The following USF3 variants were observed in gnomAD, a reference collection of about 807,000 sequenced individuals.
USF3 encodes upstream transcription factor family member 3.
In USF3, 29 loss-of-function variants were observed where a neutral mutation model predicts 157.5. That is an observed-to-expected ratio of 0.18 (90% confidence interval 0.14 to 0.25). The LOEUF is 0.25. Among genes scored for constraint, USF3 ranks in the 10% least tolerant of loss-of-function variants. The pLI is 1.00. For missense variants in USF3, 2,381 were observed against 2,667.6 expected (o/e 0.89, Z 2.37); for synonymous variants, 893 against 941.4 (o/e 0.95, Z 0.94).
intron 5 of USF3, among the ~76,000 whole-genome samples, chr3:113,668,415 C>T (rs932178279): frequency 6.6e-6 from 1 of 151,128 alleles, no homozygotes; most frequent in Non-Finnish European, 1.5e-5. Flanking sequence ...AGGCAGGAGA[C>T]TGATGGGTTC....
At chr3:113,689,034 A>C (rs6804275) in intron 1 of USF3, among the ~76,000 whole-genome samples, 67 of 150,160 alleles carry the variant, frequency 4.5e-4, no homozygotes, top group African/African-American at 6.6e-4. Flanking sequence ...CCATCTCAAA[A>C]AAACAAACAA....
chr3:113,665,835 A>G (rs1947556888), intron 5 of USF3, among the ~76,000 whole-genome samples: 1 of 152,074 alleles, frequency 6.6e-6, no homozygotes, highest in South Asian at 2.1e-4. Context: ...CTCAAAAGAA[A>G]AAACAAACAA....
chr3:113,677,193 A>C (rs927660439), intron 2 of USF3, 89 bp downstream of exon 2: 2 of 152,204 alleles, frequency 1.3e-5, no homozygotes, highest in Non-Finnish European at 2.9e-5. Flanking sequence ...TCAGCCTAAA[A>C]GCAATGAGCT....
rs1947298936 is a variant in USF3, at chr3:113,653,462, G to A, written c.*1482C>T. 6.6e-6 allele frequency: 1 copy of A among 152,306 alleles called. No homozygotes were observed. Among genetic ancestry groups the A allele is most frequent in the African/African-American group, 2.4e-5 (1 of 41,350 alleles). The allele number at this position is 152,306 out of a possible 1,614,324, so 9.4% of individuals were successfully genotyped here. On this transcript the variant is annotated 3_prime_UTR_variant, in exon 7 of 7. Coordinates refer to ENST00000316407, the MANE Select transcript of USF3 (RefSeq NM_001009899.4). ...ACTAAAAGTACCAAAAATTAGCCAG[G>A]TGTGGTGGCACGTGCCTGTAGTCCC...
chr3:113,693,732 A>G (rs950345187), intron 1 of USF3, among the ~76,000 whole-genome samples: 93 of 152,260 alleles, frequency 6.1e-4, no homozygotes, highest in Non-Finnish European at 7.3e-5. Context: ...TTAACCATGT[A>G]GCATAGAAGT....
chr3:113,664,877 A>G (rs938306673), intron 5 of USF3, among the ~76,000 whole-genome samples: 1 of 152,194 alleles, frequency 6.6e-6, no homozygotes, highest in Non-Finnish European at 1.5e-5. Flanking sequence ...GTGCCCTATA[A>G]GAAGAGACAG....
chr3:113,672,840 A>T (rs925270565), intron 4 of USF3, among the ~76,000 whole-genome samples: 5 of 152,230 alleles, frequency 3.3e-5, no homozygotes, highest in Non-Finnish European at 1.5e-5. Flanking sequence ...ATAGATGTTT[A>T]TCTGGCTTTG....
At chr3:113,685,041 T>A (rs1266859810) in intron 1 of USF3, among the ~76,000 whole-genome samples, 2 of 152,232 alleles carry the variant, frequency 1.3e-5, no homozygotes, top group Admixed American at 1.3e-4. Context: ...TAATCTTAAG[T>A]CTTTGGTCAC....
chr3:113,694,434 T>C (rs574198138), intron 1 of USF3, among the ~76,000 whole-genome samples: 3 of 152,360 alleles, frequency 2.0e-5, no homozygotes, highest in Admixed American at 6.5e-5. Flanking sequence ...CATAGACGAC[T>C]AACCTAGAAG....
At chr3:113,678,585 TA>T (rs980270100) in intron 1 of USF3, among the ~76,000 whole-genome samples, 7 of 150,646 alleles carry the variant, frequency 4.6e-5, no homozygotes, top group Admixed American at 6.6e-5. Flanking sequence ...TTCCTGATGC[TA>T]AAAAAAAAGA....
chr3:113,669,244 C>T (rs756732760), intron 5 of USF3, among the ~76,000 whole-genome samples: 9 of 151,108 alleles, frequency 6.0e-5, no homozygotes, highest in Non-Finnish European at 1.0e-4. Context: ...AACAACGAGT[C>T]AATAGATAAT....
At chr3:113,695,903 G>C in intron 1 of USF3, among the ~76,000 whole-genome samples, 1 of 152,198 alleles carries the variant, frequency 6.6e-6, no homozygotes, top group East Asian at 1.9e-4. Flanking sequence ...AGGGGTGAGA[G>C]GGAAAAAGCA....
intron 4 of USF3, 128 bp downstream of exon 4, chr3:113,673,220 G>A: frequency 3.0e-6 from 2 of 666,080 alleles, no homozygotes; most frequent in South Asian, 3.5e-5. Flanking sequence ...AAACAATAAG[G>A]GAACATTTTC....
Position 113,659,278 on chromosome 3 carries a change from T to C in USF3, c.2404A>G (p.Arg802Gly). ...GACTTGTTTGCTGCTAAGTGTTTCC[T>C]GCCACCTGGCTTCTTATTCAACCTT... The part of the protein sequence containing the change: ...SKRLNKKPGG[R>G]KHLAANKSAC... The change falls in exon 7 of 7, where the codon AGG becomes GGG. Residue 802 changes from arginine (R) to glycine (G), a missense_variant. Arg to Gly is a moderately radical substitution (Grantham distance 125, BLOSUM62 -2). This residue lies in a region of USF3 where 1,435 missense variants were observed against 1,550.9 expected (regional missense o/e 0.93). Transcript: ENST00000316407. 6.2e-7 allele frequency: 1 copy of C among 1,614,228 alleles called. No individual in the cohort carries two copies. Among genetic ancestry groups the C allele is most frequent in the Non-Finnish European group, 8.5e-7 (1 of 1,180,032 alleles).
intron 3 of USF3, 86 bp downstream of exon 3, chr3:113,674,746 C>G (rs1439423825): frequency 3.9e-6 from 4 of 1,022,122 alleles, no homozygotes; most frequent in Non-Finnish European, 6.2e-6. Flanking sequence ...TAAAAGTTCT[C>G]TAAGGACTAC....
At position 113,683,803 on chromosome 3, in the gene USF3, A is replaced by G. The variant is rs116482799; in HGVS notation, c.-134-6406T>C. ...TTTTAACCTTCTGATGTTTCTACTT[A>G]TATCTTATTACACTATGTCTTAAAA... On this transcript the variant is annotated intron_variant, in intron 1 of 6. Transcript: ENST00000316407. 3.9e-3 allele frequency among the ~76,000 whole-genome samples: 597 copies of G among 152,274 alleles called. 4 individuals carry two copies. Among genetic ancestry groups the G allele is most frequent in the African/African-American group, 0.014 (565 of 41,558 alleles).
Position 113,660,320 on chromosome 3 carries a change from C to A in USF3, c.1362G>T (p.Val454=). 6.2e-7 allele frequency: 1 copy of A among 1,614,208 alleles called. No individual in the cohort carries two copies. Among genetic ancestry groups the A allele is most frequent in the Non-Finnish European group, 8.5e-7 (1 of 1,180,046 alleles). ...TACCAGACTCATTTAATACTGGAGT[C>A]ACAGCAGAAGATGGTGTCTGGCTTA... ...QPLSQTPSSA[V]TPVLNESGTS... Residue 454 remains valine, a synonymous_variant, in exon 7 of 7, where the codon GTG becomes GTT. Coordinates refer to ENST00000316407, the MANE Select transcript of USF3 (RefSeq NM_001009899.4).
Position 113,656,050 on chromosome 3 carries a change from T to C in USF3, c.5632A>G (p.Ser1878Gly). 6.2e-7 allele frequency: 1 copy of C among 1,614,202 alleles called. No individual in the cohort carries two copies. Among genetic ancestry groups the C allele is most frequent in the Non-Finnish European group, 8.5e-7 (1 of 1,180,016 alleles). Residue 1878 changes from serine to glycine, a missense_variant, in exon 7 of 7, where the codon AGT becomes GGT. Ser to Gly is a moderately conservative substitution (Grantham distance 56). This residue lies in a region of USF3 where 770 missense variants were observed against 824.2 expected (regional missense o/e 0.93). Coordinates refer to ENST00000316407, the MANE Select transcript of USF3 (RefSeq NM_001009899.4). ...RRESESQNRE[S>G]CDMSLGAINT... ...ATTGCACCTAACGACATGTCACAAC[T>C]TTCCCTATTCTGACTCTCACTCTCT...
In USF3 at chr3:113,659,943, A is replaced by C. The variant is rs576302675; in HGVS notation, c.1739T>G (p.Ile580Arg). 1 of 1,614,178 alleles carries C rather than the reference A, an allele frequency of 6.2e-7. No homozygotes were observed. Among genetic ancestry groups the C allele is most frequent in the African/African-American group, 1.3e-5 (1 of 75,046 alleles). Reference protein sequence around the residue: ...EVSNQTVGQQIVIIQAANQNP... With the variant: ...EVSNQTVGQQRVIIQAANQNP... Reference sequence around the variant, plus strand: ...CTGATTAGCAGCCTGTATGATTACTATCTGTTGACCTACTGTTTGGTTGGA... The same window carrying C: ...CTGATTAGCAGCCTGTATGATTACTCTCTGTTGACCTACTGTTTGGTTGGA... The change falls in exon 7 of 7, where the codon ATA becomes AGA. Residue 580 changes from isoleucine (I) to arginine (R), a missense_variant. By Grantham distance (97) the Ile-to-Arg change is moderately conservative. Coordinates refer to ENST00000316407, the MANE Select transcript of USF3 (RefSeq NM_001009899.4).
Sources: allele counts gnomAD v4.1 joint callset (sites outside exome capture counted in the v4.1 genomes callset), GRCh38; gene constraint gnomAD v4.1.1; regional missense constraint gnomAD v4.1.1; transcripts MANE v1.5; gene names NCBI Gene and HGNC (gene_info 2026-07-23, HGNC 2026-07-21).